SLC24A3: variants seen among roughly 807,000 people sequenced by gnomAD.
The protein encoded by SLC24A3 is sodium/potassium/calcium exchanger 3.
SLC24A3 carries 28 observed loss-of-function variants against 75.8 expected under a neutral mutation model. That is an observed-to-expected ratio of 0.37 (90% CI 0.27 to 0.51). The LOEUF (loss-of-function observed/expected upper bound fraction) is 0.51. Ranked by LOEUF, SLC24A3 falls within the 20% of genes least tolerant of loss-of-function variation. SLC24A3 has a pLI of 0.94. For synonymous variants in SLC24A3, 372 were observed against 334.1 expected, an observed-to-expected ratio of 1.11 and a Z score of -1.24; for missense variants, 663 against 847.8, an observed-to-expected ratio of 0.78 and a Z score of 2.71.
chr20:19,223,158 G>A (rs60491391), intron 1 of SLC24A3, among the ~76,000 whole-genome samples: 1,802 of 152,206 alleles, frequency 0.012, 29 homozygotes, highest in African/African-American at 0.041. Context: ...TGGGTGAAGT[G>A]GCGCATGCCT....
intron 2 of SLC24A3, among the ~76,000 whole-genome samples, chr20:19,325,303 G>A (rs1370412562): frequency 6.6e-6 from 1 of 151,686 alleles, no homozygotes; most frequent in Non-Finnish European, 1.5e-5. Flanking sequence ...ATAATTACCT[G>A]GGTATGGTGG....
intron 2 of SLC24A3, among the ~76,000 whole-genome samples, chr20:19,334,726 A>G (rs917034082): frequency 2.6e-5 from 4 of 152,182 alleles, no homozygotes; most frequent in Non-Finnish European, 5.9e-5. Flanking sequence ...CACCTCTGGG[A>G]GCCTCTGTAG....
At chr20:19,494,776 C>G (rs1004957) in intron 2 of SLC24A3, among the ~76,000 whole-genome samples, 2 of 152,164 alleles carry the variant, frequency 1.3e-5, no homozygotes, top group African/African-American at 4.8e-5. Context: ...CTGGCCATCC[C>G]GAAAAGGCTA....
At chr20:19,332,574 C>A (rs1985025100) in intron 2 of SLC24A3, among the ~76,000 whole-genome samples, 1 of 152,206 alleles carries the variant, frequency 6.6e-6, no homozygotes, top group Non-Finnish European at 1.5e-5. Flanking sequence ...CTCTCTTCAA[C>A]TGACTTCTTT....
chr20:19,683,208 A>G (rs996282236), intron 10 of SLC24A3, among the ~76,000 whole-genome samples: 1 of 152,224 alleles, frequency 6.6e-6, no homozygotes, highest in Non-Finnish European at 1.5e-5. Context: ...ACCATTTCAC[A>G]TGAGGATTTT....
In SLC24A3 at chr20:19,628,710, A is replaced by G. The variant is rs558005965; in HGVS notation, c.613-25352A>G. ...CAGTTCTGCTTGCTACACCACTACC[A>G]GAGAAATTAAAGCATCACAGACAGA... On this transcript the variant is annotated intron_variant, in intron 6 of 16. Coordinates refer to ENST00000328041, the MANE Select transcript of SLC24A3 (RefSeq NM_020689.4). Among the ~76,000 whole-genome samples, 47 of 152,236 alleles carry G rather than the reference A, an allele frequency of 3.1e-4. 1 individual carries two copies. In the South Asian group the frequency reaches 9.8e-3, roughly 32 times the overall value.
intron 6 of SLC24A3, among the ~76,000 whole-genome samples, chr20:19,639,202 G>A (rs577689759): frequency 6.6e-6 from 1 of 152,244 alleles, no homozygotes; most frequent in East Asian, 1.9e-4. Flanking sequence ...TCCACACAAA[G>A]GTTCTCCAAG....
chr20:19,317,083 T>G (rs1220685117), intron 2 of SLC24A3, among the ~76,000 whole-genome samples: 1 of 152,124 alleles, frequency 6.6e-6, no homozygotes, highest in Non-Finnish European at 1.5e-5. Context: ...ATTCCCTATT[T>G]AATAAATGGT....
intron 6 of SLC24A3, among the ~76,000 whole-genome samples, chr20:19,612,035 C>T (rs971883165): frequency 2.0e-5 from 3 of 152,220 alleles, no homozygotes; most frequent in African/African-American, 4.8e-5. Flanking sequence ...TCTCCACACT[C>T]GCTTTCAGGC....
At chr20:19,562,482 C>G (rs919929123) in intron 3 of SLC24A3, among the ~76,000 whole-genome samples, 6 of 152,124 alleles carry the variant, frequency 3.9e-5, no homozygotes, top group African/African-American at 1.4e-4. Context: ...ACAAAGGAGC[C>G]CATGTGCCCA....
chr20:19,380,017 A>G (rs1189511408), intron 2 of SLC24A3, among the ~76,000 whole-genome samples: 1 of 152,206 alleles, frequency 6.6e-6, no homozygotes, highest in Non-Finnish European at 1.5e-5. Context: ...TAAACAGTGA[A>G]CAAAAGTGAA....
At chr20:19,599,706 T>C (rs1402562478) in intron 6 of SLC24A3, among the ~76,000 whole-genome samples, 1 of 152,174 alleles carries the variant, frequency 6.6e-6, no homozygotes, top group African/African-American at 2.4e-5. Context: ...TGGGACTAAA[T>C]GGAATTTGAG....
intron 6 of SLC24A3, among the ~76,000 whole-genome samples, chr20:19,644,787 C>T (rs1028596599): frequency 6.6e-6 from 1 of 152,152 alleles, no homozygotes; most frequent in African/African-American, 2.4e-5. Flanking sequence ...CCCCCTTCTC[C>T]AGGGGAAAAT....
intron 2 of SLC24A3, among the ~76,000 whole-genome samples, chr20:19,477,168 C>A (rs1357142219): frequency 6.6e-6 from 1 of 151,992 alleles, no homozygotes; most frequent in East Asian, 1.9e-4. Context: ...ATGGATCCAG[C>A]AGGTGGAACT....
chr20:19,252,218 A>G (rs1982678827), intron 1 of SLC24A3, among the ~76,000 whole-genome samples: 1 of 152,192 alleles, frequency 6.6e-6, no homozygotes, highest in Non-Finnish European at 1.5e-5. Context: ...AGCCAGAGCA[A>G]ATGTTACCCC....
At chr20:19,573,561 A>C (rs981022354) in intron 3 of SLC24A3, among the ~76,000 whole-genome samples, 3 of 152,188 alleles carry the variant, frequency 2.0e-5, no homozygotes, top group African/African-American at 7.2e-5. Context: ...TCCTTTCCTC[A>C]CATAGTTAGA....
chr20:19,279,229 A>C (rs1983582848), intron 1 of SLC24A3, among the ~76,000 whole-genome samples: 1 of 152,206 alleles, frequency 6.6e-6, no homozygotes, highest in African/African-American at 2.4e-5. Context: ...GGCTGGGTGC[A>C]CCATGTGGCC....
At chr20:19,405,167 C>A (rs1420042098) in intron 2 of SLC24A3, among the ~76,000 whole-genome samples, 1 of 152,146 alleles carries the variant, frequency 6.6e-6, no homozygotes, top group Non-Finnish European at 1.5e-5. Flanking sequence ...AGGTGCAGTG[C>A]ATTTTTCCAT....
chr20:19,403,373 A>G lies in SLC24A3; in HGVS notation c.272-112115A>G, dbSNP rs185829380. On this transcript the variant is annotated intron_variant, in intron 2 of 16. Transcript: ENST00000328041. ...AGTTTTGCCTGATTCTAGGATCACA[A>G]ATAAAAGTCAATGAATTTTCTTTTA... Among the ~76,000 whole-genome samples the G allele has an allele frequency of 3.3e-5, 5 of 152,318 alleles. No homozygotes were observed. In the East Asian group the frequency reaches 7.7e-4, roughly 24 times the overall value.
Sources: gnomAD v4.1 joint callset for allele counts (sites outside exome capture counted in the v4.1 genomes callset) on GRCh38, gnomAD v4.1.1 for gene constraint, MANE v1.5 for transcripts, NCBI Gene and HGNC (gene_info 2026-07-23, HGNC 2026-07-21) for gene names.